NAALADL2: variants seen among roughly 807,000 people sequenced by gnomAD.
The protein encoded by NAALADL2 is N-acetylated alpha-linked acidic dipeptidase like 2, also known as inactive N-acetylated-alpha-linked acidic dipeptidase-like protein 2.
NAALADL2 carries 76 observed loss-of-function variants against 87.2 expected under a neutral mutation model. That is an observed-to-expected ratio of 0.87 (90% CI 0.72 to 1.05). The LOEUF is 1.05. Ranked by LOEUF, NAALADL2 falls within the 50% of genes least tolerant of loss-of-function variation. The pLI is 0.00. For synonymous variants in NAALADL2, 354 were observed against 331.0 expected (o/e 1.07, Z -0.75); for missense variants, 1,089 against 945.8 (o/e 1.15, Z -1.99).
In NAALADL2 at chr3:175,642,453, A is replaced by G. The variant is rs75642810; in HGVS notation, c.1896+15067A>G. ...ACAACTTAACACTTTTGTTTTACATATCTTCCTTTATACAGAAACATGCCC... is the reference window on the plus strand; with the variant it reads ...ACAACTTAACACTTTTGTTTTACATGTCTTCCTTTATACAGAAACATGCCC... On this transcript the variant is annotated intron_variant, in intron 11 of 13. Coordinates refer to ENST00000454872, the MANE Select transcript of NAALADL2 (RefSeq NM_207015.3). Among the ~76,000 whole-genome samples, 624 of 152,084 alleles carry G rather than the reference A, an allele frequency of 4.1e-3. 3 individuals carry two copies. The highest frequency in any genetic ancestry group is 0.014 in the African/African-American group (584 of 41,490).
At chr3:174,673,418 G>A (rs1478244364) in intron 2 of NAALADL2, among the ~76,000 whole-genome samples, 1 of 152,044 alleles carries the variant, frequency 6.6e-6, no homozygotes, top group African/African-American at 2.4e-5. Flanking sequence ...AGTAATAATA[G>A]ATAATTGGCA....
chr3:174,966,878 A>C (rs904867816), intron 1 of NAALADL2, among the ~76,000 whole-genome samples: 3 of 152,134 alleles, frequency 2.0e-5, no homozygotes, highest in Admixed American at 6.6e-5. Flanking sequence ...CCCTGGAAAA[A>C]ACTTTCCGGA....
At chr3:174,951,686 T>G (rs897718120) in intron 1 of NAALADL2, among the ~76,000 whole-genome samples, 3 of 152,124 alleles carry the variant, frequency 2.0e-5, no homozygotes, top group Non-Finnish European at 2.9e-5. Flanking sequence ...CTTTAAATGT[T>G]GTAATCAATA....
chr3:174,794,981 CTTTTTTTTTTT>C (rs772447340), intron 3 of NAALADL2, among the ~76,000 whole-genome samples: 936 of 66,710 alleles, frequency 0.014, 27 homozygotes, highest in Middle Eastern at 0.11. Flanking sequence ...TCTAGTCCAG[CTTTTTTTTTTT>C]TTTTTTTTTT....
intron 3 of NAALADL2, among the ~76,000 whole-genome samples, chr3:174,838,014 CAAAAAAGAAAAAAAAA>C (rs1333974277): frequency 9.3e-5 from 7 of 75,192 alleles, no homozygotes; most frequent in East Asian, 4.1e-4. Context: ...AGGACATAAC[CAAAAAAGAAAAAAAAA>C]AAAAAAGAAA....
chr3:174,773,482 A>C (rs1257302861), intron 3 of NAALADL2, among the ~76,000 whole-genome samples: 1 of 152,160 alleles, frequency 6.6e-6, no homozygotes, highest in East Asian at 1.9e-4. Context: ...TTAACTGAGA[A>C]TAAGGTATAC....
At chr3:175,132,259 G>A (rs865911892) in intron 2 of NAALADL2, among the ~76,000 whole-genome samples, 5 of 34,216 alleles carry the variant, frequency 1.5e-4, no homozygotes, top group East Asian at 1.1e-3. Flanking sequence ...GGCCGGGCGG[G>A]GGGCTGACCC....
chr3:175,473,088 G>C (rs2149297376), intron 9 of NAALADL2, among the ~76,000 whole-genome samples: 2 of 151,924 alleles, frequency 1.3e-5, no homozygotes, highest in East Asian at 1.9e-4. Flanking sequence ...GAAATTGATG[G>C]GTAAATAGAA....
intron 2 of NAALADL2, among the ~76,000 whole-genome samples, chr3:174,660,014 T>G (rs1441640215): frequency 6.6e-6 from 1 of 152,146 alleles, no homozygotes; most frequent in Non-Finnish European, 1.5e-5. Flanking sequence ...AATGTAAGAA[T>G]CTGAATATAC....
intron 2 of NAALADL2, among the ~76,000 whole-genome samples, chr3:175,229,197 A>G (rs899278417): frequency 5.3e-5 from 8 of 151,860 alleles, no homozygotes; most frequent in African/African-American, 9.7e-5. Context: ...TGGAGGTCAT[A>G]GCCTGTGTAG....
intron 5 of NAALADL2, among the ~76,000 whole-genome samples, chr3:175,337,335 G>A (rs1478278278): frequency 1.3e-5 from 2 of 151,998 alleles, no homozygotes; most frequent in Admixed American, 6.6e-5. Context: ...GTCAAGAGGT[G>A]TTCTTGGCTG....
intron 2 of NAALADL2, among the ~76,000 whole-genome samples, chr3:174,724,901 G>C (rs2166779): frequency 0.037 from 5,667 of 152,076 alleles, 375 homozygotes; most frequent in African/African-American, 0.13. Flanking sequence ...GAATTACTTA[G>C]GGACATTTGT....
intron 2 of NAALADL2, among the ~76,000 whole-genome samples, chr3:175,108,042 C>A (rs1723527286): frequency 6.6e-6 from 1 of 151,814 alleles, no homozygotes; most frequent in South Asian, 2.1e-4. Context: ...TTTGGGAAAT[C>A]AGTTTCTGTC....
intron 2 of NAALADL2, among the ~76,000 whole-genome samples, chr3:175,190,553 G>A (rs752477990): frequency 1.9e-4 from 29 of 152,094 alleles, no homozygotes; most frequent in Admixed American, 9.2e-4. Flanking sequence ...ATAAATGTTG[G>A]CAAGGGTGTG....
At chr3:174,694,405 T>A (rs997757987) in intron 2 of NAALADL2, among the ~76,000 whole-genome samples, 2 of 152,090 alleles carry the variant, frequency 1.3e-5, no homozygotes, top group African/African-American at 4.8e-5. Flanking sequence ...TCTTTGCATA[T>A]CTTTGCATAC....
intron 2 of NAALADL2, among the ~76,000 whole-genome samples, chr3:175,212,336 T>TAAA (rs140929947): frequency 6.8e-6 from 1 of 147,640 alleles, no homozygotes; most frequent in African/African-American, 2.5e-5. Flanking sequence ...CATAGTAAGG[T>TAAA]AAAAAAAAAA....
chr3:175,558,884 TTAGAA>T (rs1275298440), intron 9 of NAALADL2, among the ~76,000 whole-genome samples: 1 of 152,174 alleles, frequency 6.6e-6, no homozygotes, highest in African/African-American at 2.4e-5. Flanking sequence ...TTCTTTTTGC[TTAGAA>T]TAGCTTTGGC....
intron 2 of NAALADL2, among the ~76,000 whole-genome samples, chr3:174,678,843 C>T (rs1265786156): frequency 1.3e-5 from 2 of 152,154 alleles, no homozygotes. Flanking sequence ...TTATTTTCTC[C>T]TAGCAAATCA....
At chr3:174,809,464 A>G (rs906101224) in intron 3 of NAALADL2, among the ~76,000 whole-genome samples, 1 of 152,222 alleles carries the variant, frequency 6.6e-6, no homozygotes, top group African/African-American at 2.4e-5. Flanking sequence ...TCACTTTGTA[A>G]TAGCACAGTA....
Sources: allele counts gnomAD v4.1 joint callset (sites outside exome capture counted in the v4.1 genomes callset), GRCh38; gene constraint gnomAD v4.1.1; transcripts MANE v1.5; gene names NCBI Gene and HGNC (gene_info 2026-07-23, HGNC 2026-07-21).